Variants in ZNF469 observed in about 807,000 individuals in gnomAD.
The protein encoded by ZNF469 is zinc finger protein 469.
A neutral mutation model predicts 1.0 loss-of-function variants in ZNF469; 1 was observed. The observed-to-expected ratio is 1.00, with a 90% CI of 0.35 to 4.73. ZNF469 has a LOEUF of 4.73. ZNF469 is among the 30% of genes most tolerant of loss of function. The probability of loss-of-function intolerance (pLI) is 0.16; values close to 1 mark genes in which losing one functional copy is unlikely to be tolerated. For missense variants in ZNF469, 6,100 were observed against 5,356.3 expected, an observed-to-expected ratio of 1.14 and a Z score of -4.33; for synonymous variants, 2,703 against 2,363.4, an observed-to-expected ratio of 1.14 and a Z score of -4.17.
At chr16:88,147,069 C>T in the ZNF469 span, among the ~76,000 whole-genome samples, 1 of 152,172 alleles carries the variant, frequency 6.6e-6, no homozygotes, top group African/African-American at 2.4e-5. Context: ...AGGGACTTTG[C>T]AGATGTGACT....
chr16:88,245,285 A>C, the ZNF469 span, among the ~76,000 whole-genome samples: 2 of 152,208 alleles, frequency 1.3e-5, no homozygotes, highest in African/African-American at 4.8e-5. Flanking sequence ...TATGAGGATG[A>C]TTAAGTAGAG....
chr16:88,309,882 C>T, the ZNF469 span, among the ~76,000 whole-genome samples: 3 of 152,352 alleles, frequency 2.0e-5, no homozygotes, highest in Middle Eastern at 6.8e-3. Flanking sequence ...CAGAAACAAC[C>T]CACGTGGCAG....
chr16:88,136,794 C>G, the ZNF469 span, among the ~76,000 whole-genome samples: 2 of 152,198 alleles, frequency 1.3e-5, no homozygotes, highest in Non-Finnish European at 2.9e-5. Flanking sequence ...CCGAGCGTGC[C>G]CAGTACAGGG....
chr16:88,424,940 C>A lies in ZNF469; in HGVS notation c.-127+69C>A, dbSNP rs1905635382. Among the ~76,000 whole-genome samples, 1 of 152,196 alleles carries A rather than the reference C, an allele frequency of 6.6e-6. No homozygotes were observed. The highest frequency in any genetic ancestry group is 2.4e-5 in the African/African-American group (1 of 41,454). On this transcript the variant is annotated intron_variant, in intron 2 of 2. Coordinates refer to ENST00000565624, the MANE Select transcript of ZNF469 (RefSeq NM_001367624.2). This position sits in a 1 kb window ranked among gnomAD's most constrained non-coding sequence, Gnocchi z 4.3. ...TCTGGTCTTGATGGTCCTGAGGCCC[C>A]CTCCGCCCCCACCCGCCCGGCCTTC...
Position 88,440,337 on chromosome 16 carries a change from G to C in ZNF469, c.*1005G>C, listed in dbSNP as rs192750521. Reference sequence around the variant, plus strand: ...AAGCCTGAGGTCTGTGCTGCCAGACGGGGATGCTCAGGGCTGGGGCTGCAG... The same window carrying C: ...AAGCCTGAGGTCTGTGCTGCCAGACCGGGATGCTCAGGGCTGGGGCTGCAG... On this transcript the variant is annotated 3_prime_UTR_variant, in exon 3 of 3. Transcript: ENST00000565624. 1.3e-5 allele frequency: 2 copies of C among 152,072 alleles called. No homozygotes were observed. Among genetic ancestry groups the C allele is most frequent in the Admixed American group, 6.5e-5 (1 of 15,280 alleles). The allele number at this position is 152,072 out of a possible 1,614,324, so 9.4% of individuals were successfully genotyped here.
At chr16:88,304,026 A>G in the ZNF469 span, among the ~76,000 whole-genome samples, 2 of 152,144 alleles carry the variant, frequency 1.3e-5, no homozygotes, top group Admixed American at 1.3e-4. Flanking sequence ...TTCCAGAGGT[A>G]ATGGGGCAAC....
chr16:88,215,127 G>A, the ZNF469 span, among the ~76,000 whole-genome samples: 51,588 of 151,954 alleles, frequency 0.34, 10,564 homozygotes, highest in Non-Finnish European at 0.47. Flanking sequence ...ATCAGCATGC[G>A]GACAGATTTT....
At chr16:88,138,791 C>G in the ZNF469 span, among the ~76,000 whole-genome samples, 1 of 152,232 alleles carries the variant, frequency 6.6e-6, no homozygotes, top group Non-Finnish European at 1.5e-5. Context: ...AGCATTTCCA[C>G]TAAAGTCAGT....
chr16:88,328,641 G>A, the ZNF469 span, among the ~76,000 whole-genome samples: 1 of 152,194 alleles, frequency 6.6e-6, no homozygotes, highest in Non-Finnish European at 1.5e-5. Context: ...CTCCCAAAAT[G>A]CACCAGACAA....
In ZNF469 at chr16:88,427,627, G is replaced by A. The variant is rs1257806591; in HGVS notation, c.157G>A (p.Gly53Ser). 5.9e-6 allele frequency: 9 copies of A among 1,537,202 alleles called. No homozygotes were observed. In the East Asian group the frequency reaches 9.8e-5, roughly 17 times the overall value. The change falls in exon 3 of 3, where the codon GGC becomes AGC. Residue 53 changes from glycine (G) to serine (S), a missense_variant. Gly to Ser is a moderately conservative substitution (Grantham distance 56). Transcript: ENST00000565624. ...CACCAAGGGTGCCAGGGAGGCTGGC[G>A]GCCAGGCCCAGGCCATGGAGCTCCC... ...RTTKGAREAG[G>S]QAQAMELPEA...
chr16:88,289,384 GTGA>G, the ZNF469 span, among the ~76,000 whole-genome samples: 2 of 151,624 alleles, frequency 1.3e-5, no homozygotes, highest in Admixed American at 6.6e-5. Flanking sequence ...GATGGTGATG[GTGA>G]TGATCATGAT....
the ZNF469 span, among the ~76,000 whole-genome samples, chr16:88,157,476 A>C: frequency 2.4e-4 from 36 of 152,156 alleles, no homozygotes; most frequent in Non-Finnish European, 1.0e-4. Flanking sequence ...CCTCTGTGTC[A>C]CTGTGGCTCA....
chr16:88,224,238 G>A, the ZNF469 span, among the ~76,000 whole-genome samples: 1 of 152,316 alleles, frequency 6.6e-6, no homozygotes, highest in South Asian at 2.1e-4. Context: ...AGCGGCCCCA[G>A]GACCGCCACC....
At chr16:88,194,596 G>C in the ZNF469 span, 1 of 152,268 alleles carries the variant, frequency 6.6e-6, no homozygotes, top group African/African-American at 2.4e-5. Context: ...TCCTGGGCGT[G>C]GGGCGGGAGG....
the ZNF469 span, among the ~76,000 whole-genome samples, chr16:88,317,887 G>A: frequency 3.9e-5 from 6 of 152,214 alleles, no homozygotes; most frequent in African/African-American, 1.2e-4. Flanking sequence ...CTCAGAGCTC[G>A]GTGTCATCTT....
chr16:88,221,653 G>A, the ZNF469 span, among the ~76,000 whole-genome samples: 449 of 152,322 alleles, frequency 2.9e-3, 2 homozygotes, highest in African/African-American at 9.5e-3. Flanking sequence ...TGCATCCCCA[G>A]GGGTCCTGTA....
chr16:88,388,189 C>CGGGG (rs1904387891), intron 1 of ZNF469, among the ~76,000 whole-genome samples: 1 of 152,240 alleles, frequency 6.6e-6, no homozygotes, highest in African/African-American at 2.4e-5. Context: ...CAGCCCCGGC[C>CGGGG]GAGGGAGCTG....
At chr16:88,174,140 A>G in the ZNF469 span, among the ~76,000 whole-genome samples, 1 of 152,344 alleles carries the variant, frequency 6.6e-6, no homozygotes, top group African/African-American at 2.4e-5. Context: ...GTTAAAAGTA[A>G]GAGGGTAGAA....
chr16:88,268,303 G>A, the ZNF469 span, among the ~76,000 whole-genome samples: 10 of 152,206 alleles, frequency 6.6e-5, no homozygotes, highest in East Asian at 7.7e-4. Flanking sequence ...AGAAGATGAC[G>A]TTGGTCTGTA....
Sources: gnomAD v4.1 joint callset for allele counts (sites outside exome capture counted in the v4.1 genomes callset) on GRCh38, gnomAD v4.1.1 for gene constraint, Gnocchi (gnomAD v3.1) non-coding constraint, MANE v1.5 for transcripts, NCBI Gene and HGNC (gene_info 2026-07-23, HGNC 2026-07-21) for gene names.